Variants in PTPRD observed in about 807,000 individuals in gnomAD.
PTPRD encodes the protein protein tyrosine phosphatase receptor type D.
Under a neutral mutation model 214.5 loss-of-function variants are expected in PTPRD, and 34 were observed. The ratio of observed to expected loss-of-function variants is 0.16; its 90% CI spans 0.12 to 0.21. PTPRD has a LOEUF of 0.21. Ranked by LOEUF, PTPRD falls within the 10% of genes least tolerant of loss-of-function variation. The pLI is 1.00. For missense variants in PTPRD, 2,545 were observed against 2,398.7 expected (o/e 1.06, Z -1.27); for synonymous variants, 1,128 against 845.7 (o/e 1.33, Z -5.79).
rs180692003 is a variant in PTPRD at position 8,925,975 on chromosome 9, C to T, written c.-104+92722G>A. ...TTGTTTACAATCCTTCATCAATTCT[C>T]TCCTTTTCAAACCAGAACCCAAACT... On this transcript the variant is annotated intron_variant, in intron 11 of 45. Transcript: ENST00000381196. Among the ~76,000 whole-genome samples, 112 of 149,940 alleles carry T rather than the reference C, an allele frequency of 7.5e-4. 2 individuals are homozygous for T. The highest frequency in any genetic ancestry group is 6.7e-3 in the Admixed American group (99 of 14,760).
chr9:9,942,895 GTTTT>G (rs113089194), intron 4 of PTPRD, among the ~76,000 whole-genome samples: 1 of 120,142 alleles, frequency 8.3e-6, no homozygotes, highest in African/African-American at 3.2e-5. Context: ...GCTCTGAGTT[GTTTT>G]TTTTTTTTTT....
intron 33 of PTPRD, among the ~76,000 whole-genome samples, chr9:8,450,350 AG>A (rs2133524236): frequency 6.6e-6 from 1 of 152,280 alleles, no homozygotes; most frequent in South Asian, 2.1e-4. Context: ...GGTAAACACA[AG>A]TGCATTTTTA....
chr9:10,423,509 C>G (rs890418437), intron 2 of PTPRD, among the ~76,000 whole-genome samples: 27 of 151,928 alleles, frequency 1.8e-4, no homozygotes, highest in Admixed American at 1.8e-3. Context: ...AGATTATGGT[C>G]ACATCTCTAC....
At chr9:8,929,503 G>C (rs942100784) in intron 11 of PTPRD, among the ~76,000 whole-genome samples, 1 of 151,750 alleles carries the variant, frequency 6.6e-6, no homozygotes, top group Non-Finnish European at 1.5e-5. Context: ...ATTGATTTGC[G>C]TATGTTGAAC....
In PTPRD at chr9:8,606,782, T is replaced by G. The variant is rs189497409; in HGVS notation, c.352+26535A>C. On this transcript the variant is annotated intron_variant, in intron 14 of 45. Coordinates refer to ENST00000381196, the MANE Select transcript of PTPRD (RefSeq NM_002839.4). ...TATACAATAATCTCTCTCACCTCCTTAGTTGCCACATTTTAAGTTACAGAA... is the reference window on the plus strand; with the variant it reads ...TATACAATAATCTCTCTCACCTCCTGAGTTGCCACATTTTAAGTTACAGAA... 2.0e-3 allele frequency among the ~76,000 whole-genome samples: 300 copies of G among 152,350 alleles called. 1 individual carries two copies. The highest frequency in any genetic ancestry group is 3.5e-3 in the Non-Finnish European group (237 of 68,026).
intron 12 of PTPRD, among the ~76,000 whole-genome samples, chr9:8,660,253 A>G (rs561021980): frequency 6.6e-6 from 1 of 151,572 alleles, no homozygotes; most frequent in African/African-American, 2.4e-5. Flanking sequence ...AAGCTAAGCA[A>G]TAATAGCCAT....
At chr9:8,346,320 T>C (rs553964417) in intron 39 of PTPRD, among the ~76,000 whole-genome samples, 1 of 152,228 alleles carries the variant, frequency 6.6e-6, no homozygotes, top group African/African-American at 2.4e-5. Context: ...ATAAAGGTAA[T>C]ATATAAAACT....
chr9:8,518,480 T>C (rs2097826246), intron 20 of PTPRD, 51 bp from the exon 21 acceptor site: 1 of 1,288,130 alleles, frequency 7.8e-7, no homozygotes, highest in Non-Finnish European at 1.1e-6. Context: ...CCCTATAATA[T>C]TTCAAAAATC....
intron 34 of PTPRD, among the ~76,000 whole-genome samples, chr9:8,446,225 C>T (rs1412778990): frequency 1.3e-5 from 2 of 152,054 alleles, no homozygotes; most frequent in Admixed American, 1.3e-4. Context: ...AGTTCTTTGA[C>T]GTACTTAGAT....
chr9:9,726,510 T>C (rs534993281), intron 7 of PTPRD, among the ~76,000 whole-genome samples: 4 of 152,324 alleles, frequency 2.6e-5, no homozygotes, highest in South Asian at 2.1e-4. Context: ...GAAGATGCTA[T>C]GTTATTCTTT....
At chr9:8,423,138 C>G (rs2094463736) in intron 35 of PTPRD, among the ~76,000 whole-genome samples, 1 of 151,938 alleles carries the variant, frequency 6.6e-6, no homozygotes, top group Non-Finnish European at 1.5e-5. Flanking sequence ...TCATAATAAC[C>G]AGAGAAACAG....
chr9:9,004,791 G>A (rs944207812), intron 11 of PTPRD, among the ~76,000 whole-genome samples: 1 of 152,022 alleles, frequency 6.6e-6, no homozygotes, highest in East Asian at 1.9e-4. Context: ...CAAGAGCAGA[G>A]GAACTAGTAA....
At chr9:9,682,358 A>T (rs1472260426) in intron 7 of PTPRD, among the ~76,000 whole-genome samples, 1 of 151,672 alleles carries the variant, frequency 6.6e-6, no homozygotes, top group East Asian at 1.9e-4. Flanking sequence ...GACTATTCCC[A>T]TTTTTGCCAT....
intron 35 of PTPRD, among the ~76,000 whole-genome samples, chr9:8,418,248 ACCTT>A (rs1459929854): frequency 6.8e-6 from 1 of 146,980 alleles, no homozygotes; most frequent in Non-Finnish European, 1.5e-5. Context: ...TCTAAATTCT[ACCTT>A]CCTTTCAACA....
chr9:9,518,859 T>C (rs1485072774), intron 8 of PTPRD, among the ~76,000 whole-genome samples: 1 of 152,042 alleles, frequency 6.6e-6, no homozygotes, highest in African/African-American at 2.4e-5. Context: ...ATATGACGGC[T>C]AAAAGATTTT....
At chr9:9,343,258 G>C (rs1191247427) in intron 9 of PTPRD, among the ~76,000 whole-genome samples, 1 of 152,120 alleles carries the variant, frequency 6.6e-6, no homozygotes, top group Non-Finnish European at 1.5e-5. Flanking sequence ...TAATGGGATT[G>C]CTGGGTCAAA....
intron 2 of PTPRD, among the ~76,000 whole-genome samples, 190 bp downstream of exon 2, chr9:10,612,208 C>CAAAAAAAAAAAA (rs35311745): frequency 2.4e-5 from 3 of 126,744 alleles, no homozygotes; most frequent in Non-Finnish European, 1.6e-5. Context: ...AGGGCTCTTC[C>CAAAAAAAAAAAA]AAAAAAAAAA....
intron 10 of PTPRD, among the ~76,000 whole-genome samples, chr9:9,045,897 C>T (rs2099671018): frequency 6.6e-6 from 1 of 152,158 alleles, no homozygotes; most frequent in Non-Finnish European, 1.5e-5. Context: ...GATTAGGCTT[C>T]CATCAATCAT....
At chr9:9,575,449 G>A (rs539188676) in intron 7 of PTPRD, among the ~76,000 whole-genome samples, 64 of 151,938 alleles carry the variant, frequency 4.2e-4, no homozygotes, top group African/African-American at 1.4e-3. Flanking sequence ...GGCCAGGTGC[G>A]GTGGCTCATG....
Sources: allele counts gnomAD v4.1 joint callset (sites outside exome capture counted in the v4.1 genomes callset), GRCh38; gene constraint gnomAD v4.1.1; transcripts MANE v1.5; gene names NCBI Gene and HGNC (gene_info 2026-07-23, HGNC 2026-07-21).